Variants in AKAP9 observed in about 807,000 individuals in gnomAD.
The protein encoded by AKAP9 is A-kinase anchor protein 9.
In AKAP9, 311 loss-of-function variants were observed where a neutral mutation model predicts 488.5. The observed-to-expected ratio is 0.64, with a 90% CI of 0.58 to 0.70. The LOEUF is 0.70. Among genes scored for constraint, AKAP9 ranks in the 30% least tolerant of loss-of-function variants. AKAP9 has a pLI of 0.00. For synonymous variants in AKAP9, 1,462 were observed against 1,483.5 expected (o/e 0.99, Z 0.33); for missense variants, 4,215 against 4,374.5 (o/e 0.96, Z 1.03).
intron 33 of AKAP9, among the ~76,000 whole-genome samples, chr7:92,084,260 G>A (rs909362721): frequency 1.2e-4 from 18 of 151,988 alleles, no homozygotes; most frequent in African/African-American, 4.3e-4. Flanking sequence ...AACACTGTGT[G>A]CTTTTAAGAG....
chr7:92,100,069 C>CTG, intron 44 of AKAP9, 200 bp downstream of exon 44: 2 of 511,102 alleles, frequency 3.9e-6, no homozygotes, highest in East Asian at 7.4e-5. Context: ...GAAACCATCT[C>CTG]TGTACTCGAC....
chr7:92,083,577 A>G lies in AKAP9; in HGVS notation c.8568A>G (p.Glu2856=). 1 of 1,602,752 alleles carries G rather than the reference A, an allele frequency of 6.2e-7. No homozygotes were observed. Among genetic ancestry groups the G allele is most frequent in the Non-Finnish European group, 8.5e-7 (1 of 1,175,954 alleles). Residue 2856 remains glutamate (E), a synonymous_variant, in exon 33 of 50, where the codon GAA becomes GAG. Transcript: ENST00000356239. ...HISETETLKR[E]HYVAVQLLKE... ...CAGAAACTGAAACCTTAAAGAGGGA[A>G]CACTATGTTGCCGTTCAGTTACTGA...
At chr7:92,020,796 G>A (rs1802214254) in intron 12 of AKAP9, among the ~76,000 whole-genome samples, 1 of 152,158 alleles carries the variant, frequency 6.6e-6, no homozygotes, top group Admixed American at 6.5e-5. Flanking sequence ...TTTTCCCTGG[G>A]AACTAAGAGG....
intron 7 of AKAP9, among the ~76,000 whole-genome samples, chr7:91,997,011 A>G (rs914518635): frequency 6.6e-5 from 10 of 152,178 alleles, no homozygotes; most frequent in Admixed American, 5.2e-4. Flanking sequence ...AGGTATACAC[A>G]GGTAGTAAGT....
At position 92,002,546 on chromosome 7, in the gene AKAP9, G is replaced by A. The variant is rs1233420031; in HGVS notation, c.2629G>A (p.Asp877Asn). The change falls in exon 8 of 50, where the codon GAT becomes AAT. Residue 877 changes from aspartate (D) to asparagine (N), a missense_variant. Coordinates refer to ENST00000356239, the MANE Select transcript of AKAP9 (RefSeq NM_005751.5). ...EYACLLKVKD[D>N]LEDSKNKQEL... ...TGCTTGCCTTCTCAAAGTAAAAGATGATTTAGAAGACAGTAAAAATAAACA... is the reference window on the plus strand; with the variant it reads ...TGCTTGCCTTCTCAAAGTAAAAGATAATTTAGAAGACAGTAAAAATAAACA... 1 of 1,609,492 alleles carries A rather than the reference G, an allele frequency of 6.2e-7. No homozygotes were observed. The highest frequency in any genetic ancestry group is 2.2e-5 in the East Asian group (1 of 44,812).
chr7:92,083,370 G>A lies in AKAP9; in HGVS notation c.8361G>A (p.Lys2787=). 6.2e-7 allele frequency: 1 copy of A among 1,614,004 alleles called. No individual in the cohort carries two copies. The highest frequency in any genetic ancestry group is 8.5e-7 in the Non-Finnish European group (1 of 1,179,994). ...CATCCCAGACAGATGGGACTCTGAA[G>A]ATCAGTAGCAGCAATCAGACTCCAC... is the stretch of plus-strand genomic sequence containing the variant. The part of the protein sequence containing the change: ...SIASQTDGTL[K]ISSSNQTPQI... The change falls in exon 33 of 50, where the codon AAG becomes AAA. Residue 2787 remains lysine (K), a synonymous_variant. Transcript: ENST00000356239.
At chr7:92,055,692 G>T (rs1783982771) in intron 22 of AKAP9, among the ~76,000 whole-genome samples, 1 of 151,850 alleles carries the variant, frequency 6.6e-6, no homozygotes, top group Admixed American at 6.6e-5. Flanking sequence ...AACTATTTTT[G>T]ATTGCAAGAA....
chr7:92,023,233 T>G (rs1214686625), intron 14 of AKAP9, among the ~76,000 whole-genome samples: 2 of 152,192 alleles, frequency 1.3e-5, no homozygotes, highest in African/African-American at 4.8e-5. Context: ...TTACTTAAAT[T>G]TTTACATTAT....
chr7:92,027,324 C>CAT, intron 14 of AKAP9, among the ~76,000 whole-genome samples: 1 of 134,040 alleles, frequency 7.5e-6, no homozygotes, highest in East Asian at 2.5e-4. Context: ...GGCCGCCACC[C>CAT]CGTCTAGGAA....
chr7:92,099,600 T>G, intron 43 of AKAP9, 87 bp from the exon 44 acceptor site: 1 of 1,257,468 alleles, frequency 8.0e-7, no homozygotes, highest in Non-Finnish European at 1.2e-6. Context: ...TCATGAATTC[T>G]GTTGTTCTCG....
intron 3 of AKAP9, among the ~76,000 whole-genome samples, chr7:91,986,191 G>C (rs571486022): frequency 1.3e-5 from 2 of 152,318 alleles, no homozygotes; most frequent in Non-Finnish European, 2.9e-5. Context: ...AAAGAAATGG[G>C]ACCTGCTGAG....
chr7:92,060,649 A>G (rs901701199), intron 22 of AKAP9, among the ~76,000 whole-genome samples: 7 of 152,162 alleles, frequency 4.6e-5, no homozygotes, highest in Non-Finnish European at 8.8e-5. Context: ...TCTGTATTCT[A>G]CGGTTTTGAA....
At chr7:92,082,164 G>A (rs908845614) in intron 31 of AKAP9, among the ~76,000 whole-genome samples, 5 of 152,034 alleles carry the variant, frequency 3.3e-5, no homozygotes, top group Admixed American at 3.3e-4. Context: ...CAAACTCCTG[G>A]CCTCAAATGA....
chr7:91,992,854 C>G, intron 4 of AKAP9, 31 bp from the exon 5 acceptor site: 1 of 1,601,484 alleles, frequency 6.2e-7, no homozygotes, highest in Non-Finnish European at 8.5e-7. Context: ...ATTGCTAATA[C>G]TGAATTCTTT....
At chr7:92,106,494 A>C (rs1818528971) in intron 47 of AKAP9, among the ~76,000 whole-genome samples, 1 of 152,224 alleles carries the variant, frequency 6.6e-6, no homozygotes, top group Non-Finnish European at 1.5e-5. Context: ...ACTGCATTTA[A>C]GGCACGGTTC....
At chr7:92,013,939 A>T (rs907585192) in intron 9 of AKAP9, among the ~76,000 whole-genome samples, 8 of 152,106 alleles carry the variant, frequency 5.3e-5, no homozygotes, top group Non-Finnish European at 1.2e-4. Flanking sequence ...GTAGAAGAAT[A>T]AATATTGATT....
At chr7:92,100,416 AAAGACCTGT>A (rs1272464171) in intron 44 of AKAP9, among the ~76,000 whole-genome samples, 1 of 152,234 alleles carries the variant, frequency 6.6e-6, no homozygotes, top group Non-Finnish European at 1.5e-5. Flanking sequence ...TAAAGATAGA[AAAGACCTGT>A]AAGACAACTG....
At chr7:92,106,219 A>G (rs1038407411) in intron 47 of AKAP9, among the ~76,000 whole-genome samples, 27 of 152,230 alleles carry the variant, frequency 1.8e-4, no homozygotes, top group Non-Finnish European at 2.5e-4. Context: ...CAAAGCCCTT[A>G]TAACTGCCAA....
chr7:92,103,348 G>A (rs369559064), intron 46 of AKAP9, among the ~76,000 whole-genome samples: 10 of 128,926 alleles, frequency 7.8e-5, no homozygotes, highest in Admixed American at 9.5e-5. Context: ...CGAGATCGGC[G>A]CCACTACACT....
Sources: allele counts gnomAD v4.1 joint callset (sites outside exome capture counted in the v4.1 genomes callset), GRCh38; gene constraint gnomAD v4.1.1; transcripts MANE v1.5; gene names NCBI Gene and HGNC (gene_info 2026-07-23, HGNC 2026-07-21).